NRXN2: variants seen among roughly 807,000 people sequenced by gnomAD.
NRXN2 encodes the protein neurexin 2.
Under a neutral mutation model 128.8 loss-of-function variants are expected in NRXN2, and 29 were observed. The observed-to-expected ratio is 0.23, with a 90% confidence interval of 0.17 to 0.31. The LOEUF is 0.31. Among genes scored for constraint, NRXN2 ranks in the 10% least tolerant of loss-of-function variants. NRXN2 has a pLI of 1.00. For missense variants in NRXN2, 1,881 were observed against 2,452.6 expected (o/e 0.77, Z 4.92); for synonymous variants, 1,098 against 1,075.2 (o/e 1.02, Z -0.41).
At chr11:64,702,593 C>T (rs1242238647) in intron 2 of NRXN2, among the ~76,000 whole-genome samples, 1 of 152,074 alleles carries the variant, frequency 6.6e-6, no homozygotes, top group Non-Finnish European at 1.5e-5. Flanking sequence ...AAACAGATGC[C>T]TGAAGGCAGC....
At chr11:64,704,650 AGAGAG>A (rs1326160584) in intron 2 of NRXN2, among the ~76,000 whole-genome samples, 9 of 151,396 alleles carry the variant, frequency 5.9e-5, no homozygotes, top group African/African-American at 2.2e-4. Flanking sequence ...AGAGAGAGAG[AGAGAG>A]AGAGAGAGAG....
At chr11:64,683,369 C>T (rs1356954203) in intron 6 of NRXN2, among the ~76,000 whole-genome samples, 4 of 152,238 alleles carry the variant, frequency 2.6e-5, no homozygotes, top group Admixed American at 2.0e-4. Context: ...CCTGTAATCC[C>T]AGCATTTTGG....
At chr11:64,716,305 A>T (rs1181629705) in intron 1 of NRXN2, among the ~76,000 whole-genome samples, 1 of 145,346 alleles carries the variant, frequency 6.9e-6, no homozygotes, top group Non-Finnish European at 1.5e-5. Flanking sequence ...CCCCCATCCC[A>T]GTCCCCCTGC....
intron 3 of NRXN2, among the ~76,000 whole-genome samples, chr11:64,696,364 C>A (rs1005151726): frequency 2.6e-5 from 4 of 152,102 alleles, no homozygotes; most frequent in African/African-American, 9.7e-5. Flanking sequence ...GTGGGCCACA[C>A]CACATATGCA....
intron 22 of NRXN2, among the ~76,000 whole-genome samples, chr11:64,609,857 T>C (rs1022921479): frequency 5.3e-5 from 8 of 151,990 alleles, no homozygotes; most frequent in Admixed American, 4.6e-4. Flanking sequence ...GTGGTCTTCA[T>C]AGATCACGCC....
intron 17 of NRXN2, among the ~76,000 whole-genome samples, chr11:64,638,402 C>T (rs1232972990): frequency 2.0e-5 from 3 of 152,130 alleles, no homozygotes; most frequent in African/African-American, 4.8e-5. Context: ...CGGCTGCCTC[C>T]GGAGCGCAGA....
chr11:64,645,631 CT>C (rs1195899758), intron 17 of NRXN2, among the ~76,000 whole-genome samples: 1 of 152,098 alleles, frequency 6.6e-6, no homozygotes. Context: ...TCTCTCCTGT[CT>C]TCCCAGAGCA....
At chr11:64,704,636 A>AGAGAGAGAGG (rs2056002873) in intron 2 of NRXN2, among the ~76,000 whole-genome samples, 1 of 119,990 alleles carries the variant, frequency 8.3e-6, no homozygotes, top group African/African-American at 3.9e-5. Flanking sequence ...AGAGAGAGAG[A>AGAGAGAGAGG]GAGAGAGAGA....
intron 19 of NRXN2, among the ~76,000 whole-genome samples, 198 bp from the exon 20 acceptor site, chr11:64,626,750 C>T (rs540439575): frequency 6.6e-6 from 1 of 152,278 alleles, no homozygotes; most frequent in South Asian, 2.1e-4. Context: ...CAGCCCCACC[C>T]TGGGGGCAGG....
At chr11:64,721,872 C>A (rs2057441130) in intron 1 of NRXN2, among the ~76,000 whole-genome samples, 1 of 152,062 alleles carries the variant, frequency 6.6e-6, no homozygotes, top group Admixed American at 6.5e-5. Context: ...CCCTAAAAAT[C>A]TATTTCATTA....
chr11:64,640,334 A>G (rs1208663041), intron 17 of NRXN2, among the ~76,000 whole-genome samples: 2 of 152,104 alleles, frequency 1.3e-5, no homozygotes, highest in Admixed American at 6.5e-5. Context: ...AGGGTCCCTC[A>G]GCCAGTTCCT....
chr11:64,607,856 C>T lies in NRXN2; in HGVS notation c.4479G>A (p.Ser1493=), dbSNP rs1160799496. The change falls in exon 23 of 23, where the codon TCG becomes TCA. Residue 1493 remains serine (S), a synonymous_variant. Coordinates refer to ENST00000265459, the MANE Select transcript of NRXN2 (RefSeq NM_015080.4). ...CAAAGACCTCCCCGGAGGCGAAGCC[C>T]GAGGCCTCGATGGGCTCCTCGCAGT... is the stretch of plus-strand genomic sequence containing the variant. ...DSDCEEPIEA[S]GFASGEVFDS... The T allele has an allele frequency of 1.9e-6, 3 of 1,595,614 alleles. No individual in the cohort carries two copies. Among genetic ancestry groups the T allele is most frequent in the Non-Finnish European group, 1.7e-6 (2 of 1,171,780 alleles).
intron 9 of NRXN2, among the ~76,000 whole-genome samples, chr11:64,662,730 C>T (rs2049216364): frequency 6.6e-6 from 1 of 151,764 alleles, no homozygotes; most frequent in African/African-American, 2.4e-5. Flanking sequence ...TGCAGTGAGC[C>T]AAGATCGTGC....
intron 22 of NRXN2, among the ~76,000 whole-genome samples, chr11:64,611,902 C>T (rs1463926437): frequency 6.6e-6 from 1 of 151,730 alleles, no homozygotes; most frequent in African/African-American, 2.4e-5. Flanking sequence ...CACCCACACC[C>T]CCCCACACTG....
intron 7 of NRXN2, among the ~76,000 whole-genome samples, chr11:64,670,447 G>A (rs1222299568): frequency 2.0e-5 from 3 of 152,152 alleles, no homozygotes; most frequent in Non-Finnish European, 4.4e-5. Context: ...GAACTGGGAT[G>A]AAAGGTCAGG....
intron 2 of NRXN2, among the ~76,000 whole-genome samples, chr11:64,704,109 GA>G (rs927480667): frequency 1.7e-5 from 2 of 120,122 alleles, no homozygotes; most frequent in African/African-American, 5.1e-5. Context: ...TCTACTCACA[GA>G]AACTGTCAGG....
intron 2 of NRXN2, 118 bp from the exon 3 acceptor site, chr11:64,697,910 G>A: frequency 8.4e-7 from 1 of 1,184,710 alleles, no homozygotes; most frequent in Non-Finnish European, 1.2e-6. Flanking sequence ...GCCCACCCAG[G>A]CCCTGACATG....
At chr11:64,672,345 C>T (rs2050746454) in intron 7 of NRXN2, among the ~76,000 whole-genome samples, 2 of 152,208 alleles carry the variant, frequency 1.3e-5, no homozygotes, top group Admixed American at 6.5e-5. Flanking sequence ...CACTCCATGT[C>T]CACATGCCTT....
chr11:64,697,404 T>C (rs1222092490), intron 3 of NRXN2, among the ~76,000 whole-genome samples: 1 of 152,104 alleles, frequency 6.6e-6, no homozygotes, highest in African/African-American at 2.4e-5. Context: ...ATCTGGAAAA[T>C]TGCCTTTCTA....
Sources: gnomAD v4.1 joint callset for allele counts (sites outside exome capture counted in the v4.1 genomes callset) on GRCh38, gnomAD v4.1.1 for gene constraint, MANE v1.5 for transcripts, NCBI Gene and HGNC (gene_info 2026-07-23, HGNC 2026-07-21) for gene names.